The following CDH18 variants were observed in gnomAD, a reference collection of about 807,000 sequenced individuals.
CDH18 encodes cadherin-18.
A neutral mutation model predicts 67.9 loss-of-function variants in CDH18; 31 were observed. That is an observed-to-expected ratio of 0.46 (90% CI 0.34 to 0.62). The LOEUF is 0.62. Among genes scored for constraint, CDH18 ranks in the 20% least tolerant of loss-of-function variants. The probability of loss-of-function intolerance (pLI) is 0.01; values close to 1 mark genes in which losing one functional copy is unlikely to be tolerated. For missense variants in CDH18, 890 were observed against 975.5 expected, an observed-to-expected ratio of 0.91 and a Z score of 1.17; for synonymous variants, 362 against 347.2, an observed-to-expected ratio of 1.04 and a Z score of -0.48.
intron 1 of CDH18, among the ~76,000 whole-genome samples, chr5:20,458,533 G>T (rs1750998369): frequency 6.6e-6 from 1 of 152,102 alleles, no homozygotes; most frequent in Non-Finnish European, 1.5e-5. Context: ...CAGGAGAATT[G>T]CTTCAACCCA....
At chr5:20,539,093 T>C (rs1361493280) in intron 1 of CDH18, among the ~76,000 whole-genome samples, 2 of 151,900 alleles carry the variant, frequency 1.3e-5, no homozygotes, top group Non-Finnish European at 2.9e-5. Flanking sequence ...TTCACCATGT[T>C]GGCCACGCTG....
chr5:20,027,278 T>C (rs1412817813), intron 2 of CDH18, among the ~76,000 whole-genome samples: 1 of 152,214 alleles, frequency 6.6e-6, no homozygotes. Flanking sequence ...ATATGCGTTG[T>C]AGAGTCTTAG....
rs201955881 is a variant in CDH18 at position 20,271,924 on chromosome 5, C to CAGAGAGAGAGAGAG, written c.-579-16433_-579-16420dup. On this transcript the variant is annotated intron_variant, in intron 1 of 14. Coordinates refer to the CDH18 transcript ENST00000507958. ...ACATCTGCCACTTGCTGTAGAGAGGCAGAGAGAGAGAGAGAGAGAGAGAGA... is the reference window on the plus strand; with the variant it reads ...ACATCTGCCACTTGCTGTAGAGAGGCAGAGAGAGAGAGAGAGAGAGAGAGAGAGAGAGAGAGAGA... Among the ~76,000 whole-genome samples, 1,401 of 146,606 alleles carry CAGAGAGAGAGAGAG rather than the reference C, an allele frequency of 9.6e-3. 15 individuals are homozygous for CAGAGAGAGAGAGAG. Among genetic ancestry groups the CAGAGAGAGAGAGAG allele is most frequent in the East Asian group, 0.049 (243 of 4,936 alleles).
At chr5:20,556,140 T>C (rs1247117627) in intron 1 of CDH18, among the ~76,000 whole-genome samples, 2 of 152,182 alleles carry the variant, frequency 1.3e-5, no homozygotes, top group Non-Finnish European at 2.9e-5. Flanking sequence ...GAATATTGCA[T>C]AGCTGAAGAA....
intron 1 of CDH18, among the ~76,000 whole-genome samples, chr5:20,439,597 T>C (rs1749450897): frequency 6.6e-6 from 1 of 151,810 alleles, no homozygotes; most frequent in Middle Eastern, 3.2e-3. Flanking sequence ...CTTAATCAGT[T>C]GCAACCAATA....
chr5:20,057,903 T>G (rs1263978849), intron 2 of CDH18, among the ~76,000 whole-genome samples: 1 of 152,158 alleles, frequency 6.6e-6, no homozygotes, highest in Non-Finnish European at 1.5e-5. Context: ...TTAAGATTCT[T>G]AAGCAATATT....
chr5:20,148,149 C>T (rs1448236187), intron 2 of CDH18, among the ~76,000 whole-genome samples: 8 of 150,592 alleles, frequency 5.3e-5, no homozygotes, highest in African/African-American at 1.5e-4. Flanking sequence ...TGGAGTGTAG[C>T]GGTGCGATCT....
intron 2 of CDH18, among the ~76,000 whole-genome samples, chr5:20,241,695 C>T (rs1292980581): frequency 6.6e-6 from 1 of 151,128 alleles, no homozygotes; most frequent in African/African-American, 2.4e-5. Flanking sequence ...ACTAAAAATA[C>T]AAAAAATTAG....
chr5:19,584,808 A>AAAAAAAAAAAAAAAAG (rs1743877575), intron 7 of CDH18, among the ~76,000 whole-genome samples: 1 of 147,578 alleles, frequency 6.8e-6, no homozygotes, highest in Non-Finnish European at 1.5e-5. Context: ...AAAAAAAAAA[A>AAAAAAAAAAAAAAAAG]AAAAGAAAAA....
chr5:19,674,093 T>C (rs1307712467), intron 5 of CDH18, among the ~76,000 whole-genome samples: 2 of 152,016 alleles, frequency 1.3e-5, no homozygotes, highest in Non-Finnish European at 1.5e-5. Context: ...CAGGTAGCAA[T>C]AGAAAAAACA....
At chr5:19,982,568 AT>A (rs1799166237) in intron 1 of CDH18, among the ~76,000 whole-genome samples, 1 of 152,072 alleles carries the variant, frequency 6.6e-6, no homozygotes, top group African/African-American at 2.4e-5. Context: ...ATTTTTAATT[AT>A]TTCCTAATTT....
rs1329298168 is a variant in CDH18 at position 20,301,642 on chromosome 5, C to T, written c.-579-46137G>A. Among the ~76,000 whole-genome samples the T allele has an allele frequency of 3.9e-5, 6 of 152,174 alleles. No individual in the cohort carries two copies. The East Asian group carries it at 9.6e-4, about 24-fold the overall frequency. ...GAATTTTGACTCTTCTGAAATAGAA[C>T]AACTGACAAATGCTCAAAAAACAAA... is the stretch of plus-strand genomic sequence containing the variant. On this transcript the variant is annotated intron_variant, in intron 1 of 14. Coordinates refer to the CDH18 transcript ENST00000507958.
chr5:20,401,461 G>A (rs192703230), intron 1 of CDH18, among the ~76,000 whole-genome samples: 16 of 152,044 alleles, frequency 1.1e-4, no homozygotes, highest in Admixed American at 1.0e-3. Context: ...TTCTACATAC[G>A]GTAGCATAAA....
intron 2 of CDH18, among the ~76,000 whole-genome samples, chr5:19,920,758 C>T (rs10078942): frequency 0.049 from 7,436 of 151,910 alleles, 647 homozygotes; most frequent in African/African-American, 0.17. Flanking sequence ...ATGATCCACC[C>T]GCCTCGGTCT....
At chr5:19,730,686 T>C (rs1483695587) in intron 4 of CDH18, among the ~76,000 whole-genome samples, 1 of 152,156 alleles carries the variant, frequency 6.6e-6, no homozygotes, top group Non-Finnish European at 1.5e-5. Flanking sequence ...AATCTGTGGT[T>C]GTTTGGCATC....
intron 6 of CDH18, among the ~76,000 whole-genome samples, chr5:19,593,294 G>C (rs982139460): frequency 1.3e-5 from 2 of 152,020 alleles, no homozygotes; most frequent in African/African-American, 2.4e-5. Context: ...AGTTTGCAAG[G>C]GTTCAAATGT....
chr5:19,827,261 G>C (rs936630003), intron 3 of CDH18, among the ~76,000 whole-genome samples: 2 of 148,666 alleles, frequency 1.3e-5, no homozygotes, highest in African/African-American at 5.0e-5. Context: ...AAGAGAATTG[G>C]ATAACACCAC....
intron 2 of CDH18, among the ~76,000 whole-genome samples, chr5:20,043,635 ATAGG>A (rs1197078239): frequency 1.3e-5 from 2 of 152,196 alleles, no homozygotes; most frequent in African/African-American, 4.8e-5. Context: ...CACTGTGATA[ATAGG>A]TAGTCATGTT....
At chr5:20,519,167 T>C (rs1001283712) in intron 1 of CDH18, among the ~76,000 whole-genome samples, 3 of 152,110 alleles carry the variant, frequency 2.0e-5, no homozygotes, top group African/African-American at 7.2e-5. Flanking sequence ...CTGTGATATC[T>C]GAAGAAAAAA....
Sources: allele counts gnomAD v4.1 joint callset (sites outside exome capture counted in the v4.1 genomes callset), GRCh38; gene constraint gnomAD v4.1.1; transcripts MANE v1.5; gene names NCBI Gene and HGNC (gene_info 2026-07-23, HGNC 2026-07-21).